Variants in VDAC1 observed in about 807,000 individuals in gnomAD.
VDAC1 encodes the protein voltage dependent anion channel 1.
A neutral mutation model predicts 34.7 loss-of-function variants in VDAC1; 10 were observed. That is an observed-to-expected ratio of 0.29 (90% confidence interval 0.18 to 0.49). VDAC1 has a LOEUF of 0.49. Among genes scored for constraint, VDAC1 ranks in the 20% least tolerant of loss-of-function variants. VDAC1 has a pLI of 0.99. For missense variants in VDAC1, 230 were observed against 347.9 expected (o/e 0.66, Z 2.69); for synonymous variants, 130 against 136.0 (o/e 0.96, Z 0.30).
At chr5:134,071,806 C>T in the VDAC1 span, among the ~76,000 whole-genome samples, 1 of 151,952 alleles carries the variant, frequency 6.6e-6, no homozygotes, top group Non-Finnish European at 1.5e-5. This position sits in a 1 kb window ranked among gnomAD's most constrained non-coding sequence, Gnocchi z 4.1. Flanking sequence ...TTGCCCTTAG[C>T]CCTTGTGGGC....
chr5:134,113,627 C>T, the VDAC1 span, among the ~76,000 whole-genome samples: 1 of 152,282 alleles, frequency 6.6e-6, no homozygotes, highest in Admixed American at 6.5e-5. Context: ...CTGTTGACTG[C>T]ATCGCGATCC....
intron 5 of VDAC1, among the ~76,000 whole-genome samples, chr5:133,988,592 C>T (rs1006807651): frequency 3.3e-5 from 5 of 152,050 alleles, no homozygotes; most frequent in East Asian, 1.9e-4. Context: ...GTGAAACCCC[C>T]GTCTCCACTA....
chr5:134,015,141 T>C, the VDAC1 span, among the ~76,000 whole-genome samples: 1 of 151,946 alleles, frequency 6.6e-6, no homozygotes, highest in Non-Finnish European at 1.5e-5. Flanking sequence ...TTCTCACTTA[T>C]AAGTGGGAGC....
intron 2 of VDAC1, among the ~76,000 whole-genome samples, 167 bp downstream of exon 2, chr5:133,992,779 C>T (rs1753154793): frequency 6.6e-6 from 1 of 152,262 alleles, no homozygotes; most frequent in Non-Finnish European, 1.5e-5. Flanking sequence ...ACTGGGTGCA[C>T]AACCAAAGTT....
the VDAC1 span, among the ~76,000 whole-genome samples, chr5:134,063,079 T>C: frequency 6.6e-6 from 1 of 152,246 alleles, no homozygotes; most frequent in South Asian, 2.1e-4. Flanking sequence ...TGGAATAATT[T>C]TAGACTTACA....
chr5:134,016,725 G>A, the VDAC1 span, among the ~76,000 whole-genome samples: 1 of 152,216 alleles, frequency 6.6e-6, no homozygotes, highest in Non-Finnish European at 1.5e-5. Flanking sequence ...ATGTGGATGA[G>A]GCCAGATGCA....
At chr5:134,060,056 C>T in the VDAC1 span, among the ~76,000 whole-genome samples, 2 of 151,810 alleles carry the variant, frequency 1.3e-5, 1 homozygote, top group Non-Finnish European at 2.9e-5. Flanking sequence ...CTCCCACACC[C>T]CAGGGCCCCT....
At chr5:134,106,669 G>C in the VDAC1 span, among the ~76,000 whole-genome samples, 1 of 152,146 alleles carries the variant, frequency 6.6e-6, no homozygotes, top group South Asian at 2.1e-4. Flanking sequence ...GCCTCACAAA[G>C]TGCTGGGATT....
the VDAC1 span, among the ~76,000 whole-genome samples, chr5:134,063,115 AGTTTCC>A: frequency 2.3e-4 from 35 of 152,242 alleles, no homozygotes; most frequent in Admixed American, 9.2e-4. Context: ...TGGTGAACAG[AGTTTCC>A]CTATATCTGT....
chr5:134,098,697 T>G, the VDAC1 span, among the ~76,000 whole-genome samples: 1 of 152,224 alleles, frequency 6.6e-6, no homozygotes, highest in Non-Finnish European at 1.5e-5. Context: ...GGCCTGATCT[T>G]TTCCTTGGGG....
chr5:134,010,514 C>T, the VDAC1 span, among the ~76,000 whole-genome samples: 2 of 152,096 alleles, frequency 1.3e-5, no homozygotes, highest in African/African-American at 2.4e-5. Context: ...AGGAGAATGG[C>T]TTGAACCCGA....
chr5:134,030,527 T>C, the VDAC1 span, among the ~76,000 whole-genome samples: 3 of 152,006 alleles, frequency 2.0e-5, no homozygotes, highest in African/African-American at 7.2e-5. Context: ...AAAGCTCTAA[T>C]AATAAGAAAG....
intron 1 of VDAC1, among the ~76,000 whole-genome samples, chr5:134,002,459 T>C (rs903292669): frequency 6.6e-6 from 1 of 152,156 alleles, no homozygotes; most frequent in Admixed American, 6.5e-5. Context: ...ACACCTTCTG[T>C]AGAATCCCAG....
the VDAC1 span, among the ~76,000 whole-genome samples, chr5:134,031,900 G>A: frequency 2.1e-5 from 3 of 146,120 alleles, no homozygotes; most frequent in East Asian, 6.1e-4. Flanking sequence ...GCATTGAGCC[G>A]AGATTACACC....
the VDAC1 span, among the ~76,000 whole-genome samples, chr5:134,055,433 G>T: frequency 6.6e-6 from 1 of 151,670 alleles, no homozygotes; most frequent in Admixed American, 6.6e-5. Context: ...TTGTTTGTTT[G>T]TTTTGAGATG....
At chr5:134,071,516 T>C in the VDAC1 span, among the ~76,000 whole-genome samples, 5 of 152,188 alleles carry the variant, frequency 3.3e-5, no homozygotes, top group Non-Finnish European at 7.4e-5. The surrounding 1 kb of genome is among the most constrained non-coding windows in gnomAD (Gnocchi z 4.1). Flanking sequence ...GCTCTCAGCC[T>C]CCGGCACTTT....
At chr5:134,043,729 C>T in the VDAC1 span, among the ~76,000 whole-genome samples, 24 of 152,160 alleles carry the variant, frequency 1.6e-4, no homozygotes, top group Admixed American at 6.6e-4. Context: ...GATGGGGTCT[C>T]ATTATGTTGC....
chr5:134,082,208 G>A, the VDAC1 span, among the ~76,000 whole-genome samples: 3 of 152,292 alleles, frequency 2.0e-5, no homozygotes, highest in East Asian at 3.9e-4. Flanking sequence ...GTGCTTCTTT[G>A]TAATGCATTC....
At chr5:133,994,087 G>T (rs866690323) in intron 1 of VDAC1, among the ~76,000 whole-genome samples, 12 of 152,254 alleles carry the variant, frequency 7.9e-5, no homozygotes, top group African/African-American at 2.9e-4. Flanking sequence ...TATACCATCT[G>T]AAGTTACATG....
Sources: gnomAD v4.1 joint callset for allele counts (sites outside exome capture counted in the v4.1 genomes callset) on GRCh38, gnomAD v4.1.1 for gene constraint, Gnocchi (gnomAD v3.1) non-coding constraint, MANE v1.5 for transcripts, NCBI Gene and HGNC (gene_info 2026-07-23, HGNC 2026-07-21) for gene names.